The following TMEM108 variants were observed in gnomAD, a reference collection of about 807,000 sequenced individuals.
TMEM108 encodes cancer/testis antigen 124.
TMEM108 carries 12 observed loss-of-function variants against 35.1 expected under a neutral mutation model. The observed-to-expected ratio is 0.34, with a 90% CI of 0.22 to 0.55. TMEM108 has a LOEUF of 0.55. Among genes scored for constraint, TMEM108 ranks in the 20% least tolerant of loss-of-function variants. The probability of loss-of-function intolerance (pLI) is 0.89; values close to 1 mark genes in which losing one functional copy is unlikely to be tolerated. For synonymous variants in TMEM108, 287 were observed against 308.6 expected, an observed-to-expected ratio of 0.93 and a Z score of 0.73; for missense variants, 680 against 753.3, an observed-to-expected ratio of 0.90 and a Z score of 1.14.
At chr3:133,305,878 G>T (rs1318675399) in intron 3 of TMEM108, among the ~76,000 whole-genome samples, 1 of 151,742 alleles carries the variant, frequency 6.6e-6, no homozygotes, top group South Asian at 2.1e-4. Context: ...CCATCCATAC[G>T]TCTTCTTTCG....
intron 3 of TMEM108, among the ~76,000 whole-genome samples, chr3:133,237,364 T>A (rs541597019): frequency 1.4e-5 from 2 of 143,822 alleles, no homozygotes; most frequent in East Asian, 3.9e-4. Context: ...TGTCTCTGCA[T>A]CCCCATTGTC....
intron 3 of TMEM108, among the ~76,000 whole-genome samples, chr3:133,350,150 T>C (rs2071947017): frequency 6.6e-6 from 1 of 152,140 alleles, no homozygotes; most frequent in African/African-American, 2.4e-5. Flanking sequence ...GAGGACATTA[T>C]GTTAAGTGAA....
intron 4 of TMEM108, chr3:133,389,380 C>A (rs2073199238): frequency 1.0e-6 from 1 of 985,430 alleles, no homozygotes; most frequent in East Asian, 1.1e-4. Context: ...CAGGAATCAG[C>A]TGGTAAGAGC....
intron 2 of TMEM108, among the ~76,000 whole-genome samples, chr3:133,161,129 C>T (rs1285739812): frequency 2.6e-5 from 4 of 152,242 alleles, no homozygotes; most frequent in Non-Finnish European, 5.9e-5. Context: ...TCTGGTCCCG[C>T]CTCTACCTTG....
At chr3:133,112,863 A>C (rs1405284979) in intron 2 of TMEM108, among the ~76,000 whole-genome samples, 2 of 152,212 alleles carry the variant, frequency 1.3e-5, no homozygotes, top group Admixed American at 1.3e-4. Flanking sequence ...CATGCTATGC[A>C]AAATTGTGCA....
chr3:133,093,011 A>T (rs1311303808), intron 2 of TMEM108, among the ~76,000 whole-genome samples: 1 of 143,168 alleles, frequency 7.0e-6, no homozygotes, highest in African/African-American at 2.6e-5. Context: ...TTTTTTTGAG[A>T]TGGAGTCTTA....
intron 2 of TMEM108, among the ~76,000 whole-genome samples, chr3:133,117,480 C>T (rs1944301702): frequency 6.6e-6 from 1 of 152,204 alleles, no homozygotes. Flanking sequence ...CCAACAGAAA[C>T]CTCCCAAGGG....
chr3:133,065,511 A>G (rs1021075503), intron 2 of TMEM108, among the ~76,000 whole-genome samples: 1 of 152,130 alleles, frequency 6.6e-6, no homozygotes, highest in Non-Finnish European at 1.5e-5. Flanking sequence ...TTCATGTTCC[A>G]GAAACAGGTT....
intron 3 of TMEM108, among the ~76,000 whole-genome samples, chr3:133,266,567 G>A (rs889154807): frequency 3.3e-5 from 5 of 152,134 alleles, no homozygotes; most frequent in African/African-American, 2.4e-5. Context: ...TCTCAGCTTC[G>A]AAGAACCTGT....
In TMEM108 at chr3:133,105,636, C is replaced by T. The variant is rs545973268; in HGVS notation, c.-47+59616C>T. 1.4e-4 allele frequency among the ~76,000 whole-genome samples: 21 copies of T among 152,220 alleles called. No individual in the cohort carries two copies. The South Asian group carries it at 4.4e-3, about 32-fold the overall frequency. ...CCTTGGGGGTATGTGTGTGCGTGCA[C>T]ATGTGTGTGTTTCTTTAGAATTCTG... On this transcript the variant is annotated intron_variant, in intron 2 of 5. Coordinates refer to ENST00000321871, the MANE Select transcript of TMEM108 (RefSeq NM_023943.4).
At chr3:133,052,651 G>A (rs1310915866) in intron 2 of TMEM108, among the ~76,000 whole-genome samples, 1 of 150,466 alleles carries the variant, frequency 6.6e-6, no homozygotes, top group African/African-American at 2.4e-5. Flanking sequence ...GTTAGCTATA[G>A]ATTTTTAAAA....
intron 3 of TMEM108, among the ~76,000 whole-genome samples, chr3:133,375,035 T>C (rs936429456): frequency 6.6e-6 from 1 of 152,246 alleles, no homozygotes; most frequent in African/African-American, 2.4e-5. Flanking sequence ...GTGCTTCTTT[T>C]CCTCAATTGC....
intron 2 of TMEM108, among the ~76,000 whole-genome samples, chr3:133,159,563 C>T (rs1329561758): frequency 6.6e-6 from 1 of 152,138 alleles, no homozygotes; most frequent in Non-Finnish European, 1.5e-5. Context: ...TTAAGAAGCC[C>T]ACTATGATGA....
At chr3:133,288,092 G>C (rs576225634) in intron 3 of TMEM108, among the ~76,000 whole-genome samples, 96 of 152,234 alleles carry the variant, frequency 6.3e-4, no homozygotes, top group African/African-American at 2.2e-3. Context: ...AAGAGCATTT[G>C]TTTCTTGCCC....
At chr3:133,150,344 T>TTTTTG (rs1553740657) in intron 2 of TMEM108, among the ~76,000 whole-genome samples, 13 of 148,774 alleles carry the variant, frequency 8.7e-5, no homozygotes, top group Non-Finnish European at 1.6e-4. Flanking sequence ...GTTATTTGGT[T>TTTTTG]TTTTTTTTTT....
intron 3 of TMEM108, among the ~76,000 whole-genome samples, chr3:133,258,090 C>G (rs897691759): frequency 1.3e-5 from 2 of 152,042 alleles, no homozygotes; most frequent in African/African-American, 4.8e-5. Context: ...GGAGGTGGGG[C>G]CTTTGGGAGG....
At position 133,395,908 on chromosome 3, in the gene TMEM108, A is replaced by G; in HGVS notation, c.1650A>G (p.Arg550=). Residue 550 remains arginine, a synonymous_variant, in exon 6 of 6, where the codon AGA becomes AGG. Transcript: ENST00000321871. ...GCTCCCCAGCCAATGGCGACTATAG[A>G]GACACTGGGATGGTCCTTGTTAACC... is the stretch of plus-strand genomic sequence containing the variant. The part of the protein sequence containing the change: ...EPRSPANGDY[R]DTGMVLVNPF... The G allele has an allele frequency of 6.2e-7, 1 of 1,607,256 alleles. No homozygotes were observed. Among genetic ancestry groups the G allele is most frequent in the Non-Finnish European group, 8.5e-7 (1 of 1,177,180 alleles).
At chr3:133,311,209 C>T (rs2071123964) in intron 3 of TMEM108, among the ~76,000 whole-genome samples, 2 of 152,268 alleles carry the variant, frequency 1.3e-5, no homozygotes, top group African/African-American at 2.4e-5. Context: ...TTGCTCTTCT[C>T]GAAGAGTATC....
Position 133,128,842 on chromosome 3 carries a change from G to A in TMEM108, c.-47+82822G>A, listed in dbSNP as rs148354726. 3.2e-3 allele frequency among the ~76,000 whole-genome samples: 484 copies of A among 152,188 alleles called. 3 individuals are homozygous for A. The highest frequency in any genetic ancestry group is 0.011 in the African/African-American group (459 of 41,522). The stretch of plus-strand genomic sequence containing the variant: ...AGGAAACTTCATTGTTCACTTAGAG[G>A]TTAAGCTTGAACCAAGTAAAAATAC... On this transcript the variant is annotated intron_variant, in intron 2 of 5. Coordinates refer to ENST00000321871, the MANE Select transcript of TMEM108 (RefSeq NM_023943.4).
Sources: gnomAD v4.1 joint callset for allele counts (sites outside exome capture counted in the v4.1 genomes callset) on GRCh38, gnomAD v4.1.1 for gene constraint, MANE v1.5 for transcripts, NCBI Gene and HGNC (gene_info 2026-07-23, HGNC 2026-07-21) for gene names.